SS18L1: variants seen among roughly 807,000 people sequenced by gnomAD.
The protein encoded by SS18L1 is calcium-responsive transactivator.
A neutral mutation model predicts 70.3 loss-of-function variants in SS18L1; 32 were observed. The ratio of observed to expected loss-of-function variants is 0.46; its 90% CI spans 0.34 to 0.61. The LOEUF (loss-of-function observed/expected upper bound fraction) is 0.61, where lower values mean the gene tolerates loss of function less well. SS18L1 is among the 20% of genes least tolerant of loss of function. The pLI is 0.01. For missense variants in SS18L1, 430 were observed against 542.1 expected (o/e 0.79, Z 2.05); for synonymous variants, 237 against 229.7 (o/e 1.03, Z -0.29).
intron 8 of SS18L1, among the ~76,000 whole-genome samples, chr20:62,167,379 C>G (rs1299554005): frequency 2.8e-5 from 4 of 144,600 alleles, no homozygotes; most frequent in African/African-American, 7.7e-5. Flanking sequence ...GGCAACATGG[C>G]AAAACCCTTT....
intron 4 of SS18L1, among the ~76,000 whole-genome samples, chr20:62,162,388 G>A (rs1414348236): frequency 6.6e-6 from 1 of 152,022 alleles, no homozygotes; most frequent in Non-Finnish European, 1.5e-5. Context: ...TGCAACCTCC[G>A]CCTCCCGGGT....
At chr20:62,144,157 TG>T in intron 1 of SS18L1, among the ~76,000 whole-genome samples, 1 of 150,538 alleles carries the variant, frequency 6.6e-6, no homozygotes, top group South Asian at 2.1e-4. Flanking sequence ...CACTGGGCGG[TG>T]GGGGCCGGGC....
intron 8 of SS18L1, among the ~76,000 whole-genome samples, chr20:62,169,780 C>CAA (rs11475719): frequency 7.1e-6 from 1 of 141,332 alleles, no homozygotes; most frequent in Non-Finnish European, 1.6e-5. Flanking sequence ...ACTCCATCTC[C>CAA]AAAAAAAAAA....
intron 7 of SS18L1, among the ~76,000 whole-genome samples, chr20:62,164,571 TGGAAATGTTCAAGAAGGC>T (rs1366614325): frequency 6.6e-6 from 1 of 152,034 alleles, no homozygotes; most frequent in African/African-American, 2.4e-5. Context: ...TGTAGATAGG[TGGAAATGTTCAAGAAGGC>T]GCCTCCCAGC....
At chr20:62,178,635 C>T (rs112048252) in intron 10 of SS18L1, among the ~76,000 whole-genome samples, 1 of 152,134 alleles carries the variant, frequency 6.6e-6, no homozygotes, top group Non-Finnish European at 1.5e-5. Flanking sequence ...GCAGCCTTGA[C>T]CTCCTGGGCT....
rs2057293937 is a variant in SS18L1 at position 62,159,918 on chromosome 20, C to T, written c.188C>T (p.Thr63Met). ...CACCGGAACCTGGTATACCTGGCCACGATCGCAGACTCCAACCAGAACATG... is the reference window on the plus strand; with the variant it reads ...CACCGGAACCTGGTATACCTGGCCATGATCGCAGACTCCAACCAGAACATG... ...ILHRNLVYLA[T>M]IADSNQNMQS... The change falls in exon 3 of 11, where the codon ACG becomes ATG. Residue 63 changes from threonine (T) to methionine (M), a missense_variant. Thr to Met is a moderately conservative substitution (Grantham distance 81, BLOSUM62 -1). Transcript: ENST00000331758. The surrounding 1 kb of genome is among the most constrained non-coding windows in gnomAD (Gnocchi z 4.4). The T allele has an allele frequency of 1.9e-6, 3 of 1,612,418 alleles. No homozygotes were observed. Among genetic ancestry groups the T allele is most frequent in the Non-Finnish European group, 2.5e-6 (3 of 1,179,892 alleles).
intron 4 of SS18L1, among the ~76,000 whole-genome samples, chr20:62,162,164 G>A (rs1301755135): frequency 6.6e-6 from 1 of 152,194 alleles, no homozygotes; most frequent in Non-Finnish European, 1.5e-5. Flanking sequence ...GGAGGGTGAG[G>A]CTGAAGTGAG....
intron 1 of SS18L1, among the ~76,000 whole-genome samples, chr20:62,153,891 T>G (rs1037359068): frequency 1.3e-5 from 2 of 152,140 alleles, no homozygotes; most frequent in Non-Finnish European, 2.9e-5. Flanking sequence ...GTTTGGGATG[T>G]GTCCCTTTAA....
At chr20:62,145,429 G>A (rs1161584102) in intron 1 of SS18L1, among the ~76,000 whole-genome samples, 6 of 152,188 alleles carry the variant, frequency 3.9e-5, no homozygotes, top group Non-Finnish European at 7.3e-5. Flanking sequence ...TTGGCCAGGC[G>A]GAGGTCAAGC....
At chr20:62,151,733 A>C (rs1488147631) in intron 1 of SS18L1, among the ~76,000 whole-genome samples, 4 of 152,216 alleles carry the variant, frequency 2.6e-5, no homozygotes, top group African/African-American at 9.7e-5. Flanking sequence ...CAGTCTCTGC[A>C]GTGAGCACAG....
chr20:62,162,281 G>A (rs1451091287), intron 4 of SS18L1, among the ~76,000 whole-genome samples: 1 of 151,904 alleles, frequency 6.6e-6, no homozygotes, highest in Non-Finnish European at 1.5e-5. Flanking sequence ...TGCTTTGCTA[G>A]CATGTACGCT....
At chr20:62,149,673 G>A (rs965183022) in intron 1 of SS18L1, among the ~76,000 whole-genome samples, 10 of 152,226 alleles carry the variant, frequency 6.6e-5, no homozygotes, top group African/African-American at 2.4e-4. Context: ...CTCCCTCATA[G>A]CCTGTATGGG....
rs1340118224 is a variant in SS18L1 at position 62,179,518 on chromosome 20, A to T, written c.*310A>T. ...AGCTAGCTTTGGGGGTCATTTTGTC[A>T]TCAGAGCATTCTGTGCCCAGGGACA... On this transcript the variant is annotated 3_prime_UTR_variant, in exon 11 of 11. Coordinates refer to ENST00000331758, the MANE Select transcript of SS18L1 (RefSeq NM_198935.3). The T allele has an allele frequency of 2.1e-6, 1 of 470,378 alleles. No homozygotes were observed. The highest frequency in any genetic ancestry group is 3.9e-6 in the Non-Finnish European group (1 of 256,944). The allele number at this position is 470,378 out of a possible 1,614,324, so 29.1% of individuals were successfully genotyped here. A position where few individuals can be genotyped will look rare whatever the true frequency, so the allele number is the denominator to read the frequency against.
At chr20:62,160,361 A>ATGGGGAGAGGTGGGGAGAGG (rs1334807271) in intron 3 of SS18L1, among the ~76,000 whole-genome samples, 2 of 9,718 alleles carry the variant, frequency 2.1e-4, no homozygotes, top group African/African-American at 1.0e-3. Context: ...GAGAGGTGGG[A>ATGGGGAGAGGTGGGGAGAGG]TGGGGAGAGG....
intron 5 of SS18L1, among the ~76,000 whole-genome samples, chr20:62,163,210 C>T (rs1217195938): frequency 1.3e-5 from 2 of 152,094 alleles, no homozygotes; most frequent in Non-Finnish European, 2.9e-5. Context: ...GGCCACTGGC[C>T]CTGGGTCTGG....
chr20:62,151,984 A>G (rs1277289354), intron 1 of SS18L1, among the ~76,000 whole-genome samples: 1 of 121,430 alleles, frequency 8.2e-6, no homozygotes, highest in Non-Finnish European at 1.7e-5. Context: ...CCCGGTCCCC[A>G]GGGCTGGCCT....
intron 1 of SS18L1, among the ~76,000 whole-genome samples, chr20:62,154,818 G>GC (rs1183987074): frequency 6.6e-6 from 1 of 152,106 alleles, no homozygotes; most frequent in African/African-American, 2.4e-5. Flanking sequence ...TTTCTTCACT[G>GC]CTCCTGTCTC....
At chr20:62,149,393 T>C (rs1191806926) in intron 1 of SS18L1, among the ~76,000 whole-genome samples, 1 of 152,200 alleles carries the variant, frequency 6.6e-6, no homozygotes, top group Non-Finnish European at 1.5e-5. Flanking sequence ...CCTGTGACAC[T>C]GGTCTGATTC....
chr20:62,163,306 A>C, intron 5 of SS18L1, 152 bp from the exon 6 acceptor site: 1 of 1,127,654 alleles, frequency 8.9e-7, no homozygotes, highest in Non-Finnish European at 1.3e-6. Context: ...CAGGCCACGT[A>C]GGGGAGGCGT....
Sources: allele counts gnomAD v4.1 joint callset (sites outside exome capture counted in the v4.1 genomes callset), GRCh38; gene constraint gnomAD v4.1.1; non-coding constraint Gnocchi (gnomAD v3.1); transcripts MANE v1.5; gene names NCBI Gene and HGNC (gene_info 2026-07-23, HGNC 2026-07-21).